Variants in GLRB observed in about 807,000 individuals in gnomAD.
The protein encoded by GLRB is glycine receptor beta.
In GLRB, 33 loss-of-function variants were observed where a neutral mutation model predicts 54.2. That is an observed-to-expected ratio of 0.61 (90% CI 0.46 to 0.81). The LOEUF (loss-of-function observed/expected upper bound fraction) is 0.81, where lower values mean the gene tolerates loss of function less well. Among genes scored for constraint, GLRB ranks in the 40% least tolerant of loss-of-function variants. GLRB has a pLI of 0.00. For missense variants in GLRB, 572 were observed against 584.6 expected, an observed-to-expected ratio of 0.98 and a Z score of 0.22; for synonymous variants, 209 against 208.2, an observed-to-expected ratio of 1.00 and a Z score of -0.03.
chr4:157,162,702 G>A (rs187965072), intron 9 of GLRB, among the ~76,000 whole-genome samples: 57 of 152,248 alleles, frequency 3.7e-4, no homozygotes, highest in African/African-American at 1.2e-3. Context: ...TGGAGGGTTC[G>A]TCTCAGTGGG....
rs1044924122 is a variant in GLRB, at chr4:157,120,780, A to T, written c.229+118A>T. 5.4e-6 allele frequency: 3 copies of T among 560,008 alleles called. No individual in the cohort carries two copies. The Admixed American group carries it at 7.4e-5, about 14-fold the overall frequency. 34.7% of individuals were successfully genotyped at this position (560,008 alleles called of 1,614,324 possible). On this transcript the variant is annotated intron_variant, in intron 3 of 9. Transcript: ENST00000264428. ...GTGATATTCAAAACAGTAAGATTTC[A>T]AAGTGATATATAACAAAAATGTCCT...
At chr4:157,143,727 C>A in intron 7 of GLRB, 80 bp from the exon 8 acceptor site, 1 of 1,401,904 alleles carries the variant, frequency 7.1e-7, no homozygotes, top group Non-Finnish European at 9.9e-7. Context: ...AAGTGACTTA[C>A]CGTTTCCAGG....
At chr4:157,101,210 A>T (rs1735013681) in intron 2 of GLRB, among the ~76,000 whole-genome samples, 1 of 152,124 alleles carries the variant, frequency 6.6e-6, no homozygotes, top group African/African-American at 2.4e-5. Context: ...TCATTTACTA[A>T]CAGTACTGAA....
chr4:157,127,031 T>C (rs1035613825), intron 4 of GLRB, among the ~76,000 whole-genome samples: 2 of 151,832 alleles, frequency 1.3e-5, no homozygotes, highest in African/African-American at 4.8e-5. Context: ...TGCAACTCCT[T>C]TTGGGAAACA....
intron 4 of GLRB, among the ~76,000 whole-genome samples, chr4:157,134,372 C>T (rs763135379): frequency 6.6e-6 from 1 of 151,896 alleles, no homozygotes; most frequent in Non-Finnish European, 1.5e-5. Flanking sequence ...GCCAGGCCAA[C>T]ATAATGTGAT....
At chr4:157,131,549 A>C (rs1040108883) in intron 4 of GLRB, among the ~76,000 whole-genome samples, 1 of 151,772 alleles carries the variant, frequency 6.6e-6, no homozygotes, top group African/African-American at 2.4e-5. Flanking sequence ...GAAGGGTTTC[A>C]CTGCCCTAAA....
In GLRB at chr4:157,170,701, T is replaced by C. The variant is rs556565449; in HGVS notation, c.1467T>C (p.Asn489=). Residue 489 remains asparagine, a synonymous_variant, in exon 10 of 10, where the codon AAT becomes AAC. Coordinates refer to ENST00000264428, the MANE Select transcript of GLRB (RefSeq NM_000824.5). ...ALFPFCFLFF[N]VIYWSIYL ...TTCCTTTCTGCTTCTTGTTCTTCAATGTTATATATTGGTCTATATATTTAT... is the reference window on the plus strand; with the variant it reads ...TTCCTTTCTGCTTCTTGTTCTTCAACGTTATATATTGGTCTATATATTTAT... 1.9e-6 allele frequency: 3 copies of C among 1,575,554 alleles called. No individual in the cohort carries two copies. The highest frequency in any genetic ancestry group is 2.2e-5 in the East Asian group (1 of 44,702).
At chr4:157,093,774 A>T (rs1734706103) in intron 2 of GLRB, among the ~76,000 whole-genome samples, 1 of 151,704 alleles carries the variant, frequency 6.6e-6, no homozygotes, top group Middle Eastern at 3.4e-3. Context: ...AAAAAAAAAA[A>T]AAAATACATG....
Position 157,136,671 on chromosome 4 carries a change from G to C in GLRB, c.500G>C (p.Arg167Pro), listed in dbSNP as rs200253694. Reference sequence around the variant, plus strand: ...GAAAACATCCTCCTCTTTATTTTTCGTGATGGAGATGTCCTTGTCAGCATG... The same window carrying C: ...GAAAACATCCTCCTCTTTATTTTTCCTGATGGAGATGTCCTTGTCAGCATG... ...TQENILLFIF[R>P]DGDVLVSMRL... The change falls in exon 5 of 10, where the codon CGT becomes CCT. Residue 167 changes from arginine to proline, a missense_variant. Arg to Pro is a moderately radical substitution (Grantham distance 103). Transcript: ENST00000264428. 1 of 1,609,432 alleles carries C rather than the reference G, an allele frequency of 6.2e-7. No individual in the cohort carries two copies. Among genetic ancestry groups the C allele is most frequent in the African/African-American group, 1.3e-5 (1 of 74,904 alleles).
intron 9 of GLRB, 141 bp from the exon 10 acceptor site, chr4:157,170,291 A>G (rs964583530): frequency 1.6e-6 from 1 of 622,962 alleles, no homozygotes; most frequent in Admixed American, 2.8e-5. Context: ...GTTTAATCAG[A>G]TAACCATTCT....
chr4:157,154,146 T>C (rs904358059), intron 9 of GLRB, among the ~76,000 whole-genome samples: 3 of 152,216 alleles, frequency 2.0e-5, no homozygotes, highest in Non-Finnish European at 4.4e-5. Context: ...AAATTTGCAT[T>C]AATCCAGCAC....
chr4:157,114,312 A>G (rs151236338), intron 2 of GLRB, among the ~76,000 whole-genome samples: 2 of 150,322 alleles, frequency 1.3e-5, no homozygotes, highest in African/African-American at 4.9e-5. Context: ...CTCCTGACTC[A>G]GTGTCTTTCC....
chr4:157,083,404 T>A (rs58080030), intron 2 of GLRB, among the ~76,000 whole-genome samples: 38,068 of 151,742 alleles, frequency 0.25, 5,177 homozygotes, highest in East Asian at 0.42. Context: ...AAGAACTTTT[T>A]TGAGTTCTGC....
chr4:157,092,175 A>T (rs1396420498), intron 2 of GLRB, among the ~76,000 whole-genome samples: 1 of 152,174 alleles, frequency 6.6e-6, no homozygotes, highest in African/African-American at 2.4e-5. Context: ...GGTAATTGAG[A>T]TAAAAGTTTA....
chr4:157,105,634 G>T (rs533400953), intron 2 of GLRB, among the ~76,000 whole-genome samples: 1 of 151,932 alleles, frequency 6.6e-6, no homozygotes, highest in Non-Finnish European at 1.5e-5. Context: ...TGCTATTATT[G>T]TATTGCAGCC....
At chr4:157,122,444 G>A (rs1218567741) in intron 4 of GLRB, 47 bp downstream of exon 4, 1 of 719,218 alleles carries the variant, frequency 1.4e-6, no homozygotes, top group East Asian at 2.7e-5. Context: ...TTCAATAGAG[G>A]AGATAGTGAA....
intron 2 of GLRB, among the ~76,000 whole-genome samples, chr4:157,108,991 A>T (rs1241387117): frequency 6.6e-6 from 1 of 152,120 alleles, no homozygotes; most frequent in Non-Finnish European, 1.5e-5. Flanking sequence ...TAAAGCTCAG[A>T]TGATTGTTAG....
intron 6 of GLRB, among the ~76,000 whole-genome samples, chr4:157,137,365 T>C (rs2126568182): frequency 6.6e-6 from 1 of 152,226 alleles, no homozygotes; most frequent in African/African-American, 2.4e-5. Flanking sequence ...ATCATATATT[T>C]TTCATTTATT....
At chr4:157,122,445 A>G in intron 4 of GLRB, 48 bp downstream of exon 4, 1 of 702,190 alleles carries the variant, frequency 1.4e-6, no homozygotes, top group South Asian at 1.8e-5. Flanking sequence ...TCAATAGAGG[A>G]GATAGTGAAA....
Sources: gnomAD v4.1 joint callset for allele counts (sites outside exome capture counted in the v4.1 genomes callset) on GRCh38, gnomAD v4.1.1 for gene constraint, MANE v1.5 for transcripts, NCBI Gene and HGNC (gene_info 2026-07-23, HGNC 2026-07-21) for gene names.